The following NOS1 variants were observed in gnomAD, a reference collection of about 807,000 sequenced individuals.
The protein encoded by NOS1 is NOS type I.
In NOS1, 51 loss-of-function variants were observed where a neutral mutation model predicts 164.5. The ratio of observed to expected loss-of-function variants is 0.31; its 90% CI spans 0.25 to 0.39. NOS1 has a LOEUF of 0.39. Among genes scored for constraint, NOS1 ranks in the 10% least tolerant of loss-of-function variants. The pLI, the probability that NOS1 is intolerant of heterozygous loss-of-function variation, is 1.00. For missense variants in NOS1, 1,362 were observed against 1,885.6 expected, an observed-to-expected ratio of 0.72 and a Z score of 5.14; for synonymous variants, 719 against 745.8, an observed-to-expected ratio of 0.96 and a Z score of 0.59.
At chr12:117,236,867 C>T (rs1869758663) in intron 20 of NOS1, among the ~76,000 whole-genome samples, 1 of 152,230 alleles carries the variant, frequency 6.6e-6, no homozygotes, top group Non-Finnish European at 1.5e-5. Context: ...CAGAGGGTGG[C>T]CGTGCAGACA....
chr12:117,326,600 T>A (rs1875265438), intron 2 of NOS1, among the ~76,000 whole-genome samples: 1 of 152,170 alleles, frequency 6.6e-6, no homozygotes, highest in East Asian at 1.9e-4. Context: ...TTTGGCCGCT[T>A]TCGGGCAAAC....
intron 16 of NOS1, chr12:117,255,805 G>T: frequency 2.2e-6 from 1 of 450,924 alleles, no homozygotes; most frequent in Non-Finnish European, 3.8e-6. Flanking sequence ...GTCACTTAGT[G>T]AGTTAGTGAC....
chr12:117,280,690 T>A (rs1002938570), intron 8 of NOS1, 35 bp downstream of exon 8: 2 of 1,598,736 alleles, frequency 1.3e-6, no homozygotes, highest in South Asian at 2.2e-5. Flanking sequence ...TAAGAGCCCA[T>A]GTTGGGGCAG....
rs1869570995 is a variant in NOS1, at chr12:117,234,890, C to T, written c.3042-132G>A. On this transcript the variant is annotated intron_variant, in intron 20 of 28. Transcript: ENST00000317775. This position sits in a 1 kb window ranked among gnomAD's most constrained non-coding sequence, Gnocchi z 4.3. The stretch of plus-strand genomic sequence containing the variant: ...TTGTTGGGGCCCGTGCTAACCAAGC[C>T]TATGCCCCCATCATTCTATTATTAT... 5 of 577,698 alleles carry T rather than the reference C, an allele frequency of 8.7e-6. No homozygotes were observed. Among genetic ancestry groups the T allele is most frequent in the East Asian group, 3.0e-5 (1 of 33,456 alleles). The allele number at this position is 577,698 out of a possible 1,614,324, so 35.8% of individuals were successfully genotyped here.
chr12:117,297,302 T>C (rs1339892648), intron 3 of NOS1, among the ~76,000 whole-genome samples: 1 of 152,056 alleles, frequency 6.6e-6, no homozygotes, highest in Non-Finnish European at 1.5e-5. Flanking sequence ...GAACTGAAGG[T>C]TGGGGGCTCT....
intron 25 of NOS1, among the ~76,000 whole-genome samples, chr12:117,223,249 T>C (rs1868369936): frequency 6.6e-6 from 1 of 151,698 alleles, no homozygotes; most frequent in East Asian, 1.9e-4. Flanking sequence ...AGCTCTGTGA[T>C]GAACAACTTA....
Position 117,339,714 on chromosome 12 carries a change from A to G in NOS1, c.-420-8225T>C, listed in dbSNP as rs558421623. On this transcript the variant is annotated intron_variant, in intron 1 of 28. Transcript: ENST00000317775. ...GCAGGCATTAAATAAGCAGGAGATT[A>G]GAGCTAAAAAGACCAGACCAGTGAG... is the stretch of plus-strand genomic sequence containing the variant. 4.6e-5 allele frequency among the ~76,000 whole-genome samples: 7 copies of G among 152,336 alleles called. No homozygotes were observed. In the East Asian group the frequency reaches 1.3e-3, roughly 29 times the overall value.
rs564616800 is a variant in NOS1, at chr12:117,253,535, G to A, written c.2648+103C>T. ...GCAGCTGGTTTTATGAGAAATGAAT[G>A]GACACTACCTCTCCACAACGAAGCG... On this transcript the variant is annotated intron_variant, in intron 17 of 28. Coordinates refer to ENST00000317775, the MANE Select transcript of NOS1 (RefSeq NM_000620.5). 256 of 763,216 alleles carry A rather than the reference G, an allele frequency of 3.4e-4. No homozygotes were observed. The African/African-American group carries it at 3.8e-3, about 11-fold the overall frequency. The allele number at this position is 763,216 out of a possible 1,614,324, so 47.3% of individuals were successfully genotyped here.
intron 8 of NOS1, among the ~76,000 whole-genome samples, chr12:117,278,382 G>C (rs965020914): frequency 6.6e-6 from 1 of 152,174 alleles, no homozygotes; most frequent in Admixed American, 6.5e-5. Context: ...GTTCTCATGG[G>C]CCCACAGGAC....
chr12:117,349,369 C>T (rs1323226320), intron 1 of NOS1, among the ~76,000 whole-genome samples: 1 of 152,208 alleles, frequency 6.6e-6, no homozygotes, highest in Admixed American at 6.5e-5. Flanking sequence ...TCCACTCGTC[C>T]ATTGACAGAC....
chr12:117,346,633 T>C (rs917373880), intron 1 of NOS1, among the ~76,000 whole-genome samples: 8 of 152,094 alleles, frequency 5.3e-5, no homozygotes, highest in African/African-American at 9.7e-5. Context: ...CCTGGGAGCA[T>C]GTCAGCAATG....
chr12:117,307,637 G>C (rs1325484169), intron 3 of NOS1, among the ~76,000 whole-genome samples: 2 of 152,078 alleles, frequency 1.3e-5, no homozygotes, highest in Non-Finnish European at 2.9e-5. Context: ...AGAGTGCTGG[G>C]ATTACAGGTG....
At chr12:117,314,190 T>A (rs763780788) in intron 2 of NOS1, among the ~76,000 whole-genome samples, 1 of 152,224 alleles carries the variant, frequency 6.6e-6, no homozygotes, top group Non-Finnish European at 1.5e-5. Flanking sequence ...AGAGGGAACA[T>A]TCTGTTTTAC....
intron 1 of NOS1, among the ~76,000 whole-genome samples, chr12:117,350,616 G>GA (rs1479259668): frequency 2.0e-5 from 3 of 152,314 alleles, no homozygotes; most frequent in Non-Finnish European, 4.4e-5. Flanking sequence ...CTGGATCCAG[G>GA]AAGCAAAATG....
chr12:117,317,827 G>A (rs1412468812), intron 2 of NOS1, among the ~76,000 whole-genome samples: 3 of 152,072 alleles, frequency 2.0e-5, no homozygotes, highest in Non-Finnish European at 4.4e-5. Flanking sequence ...GTCACATTTG[G>A]TGGTTCTCAA....
chr12:117,267,614 T>C (rs1872519399), intron 11 of NOS1, among the ~76,000 whole-genome samples: 1 of 151,458 alleles, frequency 6.6e-6, no homozygotes, highest in Non-Finnish European at 1.5e-5. Context: ...TGTTGTGGCT[T>C]AGTTGATACA....
chr12:117,330,777 C>T lies in NOS1; in HGVS notation c.293G>A (p.Arg98Lys), dbSNP rs1221808877. Residue 98 changes from arginine (R) to lysine (K), a missense_variant, in exon 2 of 29, where the codon AGG becomes AAG. Arg to Lys is a conservative substitution (Grantham distance 26, BLOSUM62 2). This residue lies in a region of NOS1 where 362 missense variants were observed against 402.0 expected (regional missense o/e 0.90). Transcript: ENST00000317775. The surrounding 1 kb of genome is among the most constrained non-coding windows in gnomAD (Gnocchi z 4.6). Reference sequence around the variant, plus strand: ...GTGCGTGGTGAAACCTTCAGGGCCCCTCAGAATGAGGACCACGTGGGTCTC... The same window carrying T: ...GTGCGTGGTGAAACCTTCAGGGCCCTTCAGAATGAGGACCACGTGGGTCTC... ...ASETHVVLIL[R>K]GPEGFTTHLE... The T allele has an allele frequency of 6.2e-7, 1 of 1,613,972 alleles. No individual in the cohort carries two copies. Among genetic ancestry groups the T allele is most frequent in the Non-Finnish European group, 8.5e-7 (1 of 1,180,006 alleles).
In NOS1 at chr12:117,277,963, G is replaced by A; in HGVS notation, c.1660C>T (p.Pro554Ser). 6.2e-7 allele frequency: 1 copy of A among 1,610,780 alleles called. No individual in the cohort carries two copies. The highest frequency in any genetic ancestry group is 8.5e-7 in the Non-Finnish European group (1 of 1,177,624). ...CCCCTTGCCAGTCCCTCTTACTTGG[G>A]GTGCCTGATGGGAACTTCCAACACC... is the stretch of plus-strand genomic sequence containing the variant. The part of the protein sequence containing the change: ...ELVLEVPIRH[P>S]KFEWFKDLGL... The change falls in exon 9 of 29, where the codon CCC becomes TCC. Residue 554 changes from proline to serine, a missense_variant. Pro to Ser is a moderately conservative substitution (Grantham distance 74). Transcript: ENST00000317775.
intron 16 of NOS1, among the ~76,000 whole-genome samples, chr12:117,256,741 T>C (rs1871489464): frequency 6.6e-6 from 1 of 152,016 alleles, no homozygotes; most frequent in South Asian, 2.1e-4. Context: ...GTCCTATACC[T>C]TATGGGGGAT....
Sources: allele counts gnomAD v4.1 joint callset (sites outside exome capture counted in the v4.1 genomes callset), GRCh38; gene constraint gnomAD v4.1.1; regional missense constraint gnomAD v4.1.1; non-coding constraint Gnocchi (gnomAD v3.1); transcripts MANE v1.5; gene names NCBI Gene and HGNC (gene_info 2026-07-23, HGNC 2026-07-21).